The following MANBAL variants were observed in gnomAD, a reference collection of about 807,000 sequenced individuals.
MANBAL encodes the protein mannosidase beta like.
In MANBAL, 1 loss-of-function variant was observed where a neutral mutation model predicts 6.4. The observed-to-expected ratio is 0.16, with a 90% confidence interval of 0.06 to 0.74. The LOEUF is 0.74. Ranked by LOEUF, MANBAL falls within the 30% of genes least tolerant of loss-of-function variation. MANBAL has a pLI of 0.78. For missense variants in MANBAL, 100 were observed against 107.8 expected (o/e 0.93, Z 0.32); for synonymous variants, 47 against 45.8 (o/e 1.03, Z -0.10).
chr20:37,313,797 G>A (rs1353273369), intron 2 of MANBAL, among the ~76,000 whole-genome samples: 1 of 152,244 alleles, frequency 6.6e-6, no homozygotes, highest in Non-Finnish European at 1.5e-5. Context: ...GAGCAGGGAA[G>A]GAAGGCTAGA....
At chr20:37,315,439 CAT>C (rs764731984) in intron 2 of MANBAL, among the ~76,000 whole-genome samples, 3 of 152,204 alleles carry the variant, frequency 2.0e-5, no homozygotes, top group African/African-American at 4.8e-5. Flanking sequence ...ACTTCTCTGA[CAT>C]GAGCCTGAGT....
intron 1 of MANBAL, among the ~76,000 whole-genome samples, chr20:37,294,398 C>G (rs1189032838): frequency 1.3e-5 from 2 of 152,248 alleles, no homozygotes; most frequent in Non-Finnish European, 2.9e-5. Context: ...TTGTCCCCTA[C>G]AGTCTGTTGT....
At chr20:37,311,687 A>G (rs1052124699) in intron 2 of MANBAL, among the ~76,000 whole-genome samples, 7 of 151,926 alleles carry the variant, frequency 4.6e-5, no homozygotes, top group Non-Finnish European at 8.8e-5. Context: ...GCATTTCTCC[A>G]TGTTGGTCAG....
intron 2 of MANBAL, among the ~76,000 whole-genome samples, chr20:37,303,592 A>C (rs1002086931): frequency 6.6e-6 from 1 of 152,176 alleles, no homozygotes; most frequent in Non-Finnish European, 1.5e-5. Context: ...GGACCACCCC[A>C]GGTTCAGTGA....
At chr20:37,299,240 C>A (rs895164929) in intron 1 of MANBAL, among the ~76,000 whole-genome samples, 5 of 151,762 alleles carry the variant, frequency 3.3e-5, no homozygotes, top group Middle Eastern at 6.8e-3. Flanking sequence ...ACCACTCCTG[C>A]CTAATTTATT....
chr20:37,298,287 C>T (rs1482943512), intron 1 of MANBAL, among the ~76,000 whole-genome samples: 3 of 152,172 alleles, frequency 2.0e-5, no homozygotes, highest in Non-Finnish European at 4.4e-5. Context: ...GTTAAGTTTA[C>T]AATTCAGTGG....
At chr20:37,291,128 CAG>C (rs906270383) in intron 1 of MANBAL, among the ~76,000 whole-genome samples, 16 of 152,190 alleles carry the variant, frequency 1.1e-4, no homozygotes, top group African/African-American at 3.9e-4. Context: ...ATACTTGTCT[CAG>C]TGGTTTTTTA....
intron 1 of MANBAL, among the ~76,000 whole-genome samples, chr20:37,300,319 C>T (rs1323986803): frequency 6.6e-6 from 1 of 152,154 alleles, no homozygotes; most frequent in Non-Finnish European, 1.5e-5. Flanking sequence ...ACGTGTTTCC[C>T]TCAGATACAC....
intron 1 of MANBAL, among the ~76,000 whole-genome samples, chr20:37,290,796 A>G (rs1051476370): frequency 6.6e-6 from 1 of 151,944 alleles, no homozygotes; most frequent in African/African-American, 2.4e-5. Context: ...TGAAATAGAG[A>G]TGGAGTCTCA....
intron 2 of MANBAL, among the ~76,000 whole-genome samples, chr20:37,306,275 T>G (rs1365602515): frequency 6.6e-6 from 1 of 152,234 alleles, no homozygotes. Flanking sequence ...CTCCAGATGA[T>G]GGGAAAGCCT....
At chr20:37,292,334 C>T (rs1479761606) in intron 1 of MANBAL, among the ~76,000 whole-genome samples, 13 of 152,266 alleles carry the variant, frequency 8.5e-5, no homozygotes, top group Non-Finnish European at 1.5e-4. Flanking sequence ...CAGGGTCTCC[C>T]GCTGTCGCCC....
At chr20:37,303,198 A>G (rs1232958402) in intron 2 of MANBAL, among the ~76,000 whole-genome samples, 4 of 152,208 alleles carry the variant, frequency 2.6e-5, no homozygotes, top group Non-Finnish European at 5.9e-5. Context: ...GGCATGAGCC[A>G]CTGCGCCTGG....
Position 37,316,576 on chromosome 20 carries a change from C to T in MANBAL, c.*161C>T, listed in dbSNP as rs901553585. ...AGACAGTCGTAACAGTCCCCAGGCT[C>T]CAGCTGGGCAATCCACCACTTCCTC... On this transcript the variant is annotated 3_prime_UTR_variant, in exon 3 of 3. Transcript: ENST00000373606. 7 of 556,464 alleles carry T rather than the reference C, an allele frequency of 1.3e-5. 1 individual carries two copies. Among genetic ancestry groups the T allele is most frequent in the Non-Finnish European group, 3.2e-6 (1 of 312,494 alleles). The allele number at this position is 556,464 out of a possible 1,614,324, so 34.5% of individuals were successfully genotyped here.
chr20:37,310,467 G>A (rs376752962), intron 2 of MANBAL, among the ~76,000 whole-genome samples: 26 of 152,348 alleles, frequency 1.7e-4, no homozygotes, highest in African/African-American at 5.8e-4. Context: ...AAGATAAGGT[G>A]CACGAAGATG....
In MANBAL at chr20:37,316,451, G is replaced by C. The variant is rs1416781551; in HGVS notation, c.*36G>C. Reference sequence around the variant, plus strand: ...CTGAGGAGCTGGGCGGGCAGGGAGAGGGTCTTGGGGACAGCCCTCCTGGGA... The same window carrying C: ...CTGAGGAGCTGGGCGGGCAGGGAGACGGTCTTGGGGACAGCCCTCCTGGGA... On this transcript the variant is annotated 3_prime_UTR_variant, in exon 3 of 3. Coordinates refer to ENST00000373606, the MANE Select transcript of MANBAL (RefSeq NM_001003897.2). 2.5e-6 allele frequency: 4 copies of C among 1,574,430 alleles called. No homozygotes were observed. Among genetic ancestry groups the C allele is most frequent in the Non-Finnish European group, 3.5e-6 (4 of 1,151,254 alleles).
chr20:37,314,446 C>T (rs1600924435), intron 2 of MANBAL, among the ~76,000 whole-genome samples: 1 of 152,120 alleles, frequency 6.6e-6, no homozygotes, highest in South Asian at 2.1e-4. Flanking sequence ...TCTCACTGTC[C>T]CTGTGGTCTC....
At chr20:37,299,468 C>T (rs1367351696) in intron 1 of MANBAL, among the ~76,000 whole-genome samples, 2 of 152,220 alleles carry the variant, frequency 1.3e-5, no homozygotes, top group Non-Finnish European at 2.9e-5. Flanking sequence ...GTGTAATTAG[C>T]ATCTCAATTC....
At chr20:37,313,447 G>A (rs961953678) in intron 2 of MANBAL, among the ~76,000 whole-genome samples, 1 of 152,230 alleles carries the variant, frequency 6.6e-6, no homozygotes, top group Non-Finnish European at 1.5e-5. Flanking sequence ...GCTCACGCCT[G>A]TAATCCCAGC....
chr20:37,311,231 A>G (rs2069379282), intron 2 of MANBAL, among the ~76,000 whole-genome samples: 1 of 152,230 alleles, frequency 6.6e-6, no homozygotes, highest in African/African-American at 2.4e-5. Flanking sequence ...TACTGGGTGC[A>G]GGTAGAGATA....
Sources: gnomAD v4.1 joint callset for allele counts (sites outside exome capture counted in the v4.1 genomes callset) on GRCh38, gnomAD v4.1.1 for gene constraint, MANE v1.5 for transcripts, NCBI Gene and HGNC (gene_info 2026-07-23, HGNC 2026-07-21) for gene names.